ABCA13: variants seen among roughly 807,000 people sequenced by gnomAD.
The protein encoded by ABCA13 is ATP-binding cassette sub-family A member 13.
Under a neutral mutation model 478.7 loss-of-function variants are expected in ABCA13, and 476 were observed. The ratio of observed to expected loss-of-function variants is 0.99; its 90% CI spans 0.92 to 1.07. ABCA13 has a LOEUF of 1.07. ABCA13 is among the 50% of genes least tolerant of loss of function. The pLI is 0.00. For missense variants in ABCA13, 6,060 were observed against 5,910.6 expected, an observed-to-expected ratio of 1.03 and a Z score of -0.83; for synonymous variants, 2,252 against 2,158.9, an observed-to-expected ratio of 1.04 and a Z score of -1.20.
At chr7:48,503,941 TTGTAA>T (rs1830974756) in intron 48 of ABCA13, among the ~76,000 whole-genome samples, 1 of 152,244 alleles carries the variant, frequency 6.6e-6, no homozygotes, top group Admixed American at 6.5e-5. Context: ...GATAATCATT[TTGTAA>T]TGTATACATA....
intron 55 of ABCA13, among the ~76,000 whole-genome samples, chr7:48,563,358 A>T (rs1786663763): frequency 6.6e-6 from 1 of 152,088 alleles, no homozygotes; most frequent in Non-Finnish European, 1.5e-5. Context: ...GAAGAAAGAG[A>T]GGGTTAAAGG....
At chr7:48,619,187 T>C (rs1792886206) in intron 59 of ABCA13, among the ~76,000 whole-genome samples, 2 of 152,232 alleles carry the variant, frequency 1.3e-5, no homozygotes, top group Admixed American at 1.3e-4. Flanking sequence ...TTCAGAGCTA[T>C]TATCTACATA....
intron 3 of ABCA13, among the ~76,000 whole-genome samples, chr7:48,204,367 G>A (rs1249891240): frequency 6.6e-6 from 1 of 151,918 alleles, no homozygotes; most frequent in Non-Finnish European, 1.5e-5. Context: ...GTGCCACCAT[G>A]CCCAGCTAAT....
At chr7:48,205,969 A>T (rs1052107798) in intron 3 of ABCA13, among the ~76,000 whole-genome samples, 7 of 152,202 alleles carry the variant, frequency 4.6e-5, no homozygotes, top group African/African-American at 1.7e-4. Flanking sequence ...TGATTGAAAT[A>T]TAAAGCATCT....
Position 48,274,910 on chromosome 7 carries a change from T to C in ABCA13, c.5244T>C (p.Tyr1748=). Residue 1748 remains tyrosine (Y), a synonymous_variant, in exon 17 of 62, where the codon TAT becomes TAC. Coordinates refer to ENST00000435803, the MANE Select transcript of ABCA13 (RefSeq NM_152701.5). ...DVVDAVIDVY[Y]VLPHAVRLLQ... is the part of the protein sequence containing the mutation. ...TGGATGCTGTGATAGATGTGTACTA[T>C]GTGCTTCCTCATGCTGTAAGGCTCC... 1 of 1,613,980 alleles carries C rather than the reference T, an allele frequency of 6.2e-7. No homozygotes were observed. The highest frequency in any genetic ancestry group is 2.2e-5 in the East Asian group (1 of 44,884).
chr7:48,265,813 A>G (rs930364101), intron 15 of ABCA13, among the ~76,000 whole-genome samples: 1 of 151,592 alleles, frequency 6.6e-6, no homozygotes, highest in Non-Finnish European at 1.5e-5. Context: ...GAAATGATGG[A>G]AGGTAACATC....
chr7:48,288,141 T>C, intron 20 of ABCA13, 63 bp downstream of exon 20: 3 of 1,422,794 alleles, frequency 2.1e-6, no homozygotes, highest in Non-Finnish European at 3.0e-6. Flanking sequence ...TGCAAGGCAG[T>C]CCAGTTATTC....
At chr7:48,563,794 T>TTGTGTG (rs200813371) in intron 55 of ABCA13, among the ~76,000 whole-genome samples, 25 of 101,632 alleles carry the variant, frequency 2.5e-4, no homozygotes, top group South Asian at 5.8e-4. Context: ...TGTTTACTGC[T>TTGTGTG]TGTGTGTGTG....
At chr7:48,607,915 C>G (rs986078022) in intron 58 of ABCA13, among the ~76,000 whole-genome samples, 2 of 152,164 alleles carry the variant, frequency 1.3e-5, no homozygotes, top group African/African-American at 4.8e-5. Flanking sequence ...CCGTCTCATT[C>G]TGTTGCCCAG....
intron 54 of ABCA13, among the ~76,000 whole-genome samples, chr7:48,525,260 T>C (rs1832809726): frequency 6.6e-6 from 1 of 152,126 alleles, no homozygotes; most frequent in South Asian, 2.1e-4. Context: ...TTTTTTTTTT[T>C]AGTAGTTGTT....
At chr7:48,537,245 G>GT (rs1274019470) in intron 55 of ABCA13, among the ~76,000 whole-genome samples, 4 of 151,980 alleles carry the variant, frequency 2.6e-5, no homozygotes, top group Admixed American at 2.6e-4. Flanking sequence ...TGATTTAAGT[G>GT]TTTTTTGTGT....
At chr7:48,496,102 A>G (rs1830252701) in intron 48 of ABCA13, among the ~76,000 whole-genome samples, 1 of 152,078 alleles carries the variant, frequency 6.6e-6, no homozygotes, top group South Asian at 2.1e-4. Flanking sequence ...CATTTAAGGT[A>G]ATTACTAATA....
chr7:48,583,012 T>A (rs1472218511), intron 56 of ABCA13, among the ~76,000 whole-genome samples: 1 of 152,204 alleles, frequency 6.6e-6, no homozygotes, highest in East Asian at 1.9e-4. Flanking sequence ...TTCATCATGC[T>A]AGGTAGTTTC....
chr7:48,494,242 A>G (rs1830079278), intron 48 of ABCA13, among the ~76,000 whole-genome samples: 1 of 152,102 alleles, frequency 6.6e-6, no homozygotes, highest in Non-Finnish European at 1.5e-5. Context: ...TGCATGGTAG[A>G]TTTTCCTGCT....
At chr7:48,409,338 A>G (rs1436416743) in intron 39 of ABCA13, among the ~76,000 whole-genome samples, 1 of 152,202 alleles carries the variant, frequency 6.6e-6, no homozygotes, top group Non-Finnish European at 1.5e-5. Context: ...GCTAAATCTG[A>G]GGCTTCTTCT....
intron 3 of ABCA13, among the ~76,000 whole-genome samples, chr7:48,217,941 A>T (rs540827785): frequency 1.5e-4 from 23 of 152,198 alleles, no homozygotes; most frequent in Non-Finnish European, 2.9e-4. Context: ...AAAGGAGGAA[A>T]CTGCTCTCCA....
At chr7:48,314,066 C>T (rs560618225) in intron 25 of ABCA13, among the ~76,000 whole-genome samples, 166 bp from the exon 26 acceptor site, 51 of 151,958 alleles carry the variant, frequency 3.4e-4, no homozygotes, top group Admixed American at 7.9e-4. Context: ...CGTAGTGTTT[C>T]AAATGGTATC....
Position 48,274,569 on chromosome 7 carries a change from A to G in ABCA13, c.4903A>G (p.Ile1635Val). The G allele has an allele frequency of 6.2e-7, 1 of 1,613,908 alleles. No individual in the cohort carries two copies. The highest frequency in any genetic ancestry group is 8.5e-7 in the Non-Finnish European group (1 of 1,179,844). ...MKATGLGIQLIRDVFNSLMPV... is the reference protein window; with the variant it reads ...MKATGLGIQLVRDVFNSLMPV... ...AGCTACAGGTCTTGGTATTCAACTG[A>G]TAAGGGATGTGTTCAACTCCTTAAT... Residue 1635 changes from isoleucine (I) to valine (V), a missense_variant, in exon 17 of 62, where the codon ATA becomes GTA. By Grantham distance (29) the Ile-to-Val change is conservative. Around this residue, in one of 3 missense-constraint regions of ABCA13, gnomAD observed 4,423 missense variants for 4,309.1 expected, o/e 1.03. Transcript: ENST00000435803.
intron 29 of ABCA13, among the ~76,000 whole-genome samples, chr7:48,346,253 C>T (rs1246187082): frequency 6.6e-6 from 1 of 152,130 alleles, no homozygotes; most frequent in African/African-American, 2.4e-5. Flanking sequence ...GATAAGAAAG[C>T]TTAAAGCCTT....
Sources: allele counts gnomAD v4.1 joint callset (sites outside exome capture counted in the v4.1 genomes callset), GRCh38; gene constraint gnomAD v4.1.1; regional missense constraint gnomAD v4.1.1; transcripts MANE v1.5; gene names NCBI Gene and HGNC (gene_info 2026-07-23, HGNC 2026-07-21).